Variants in TTC33 observed in about 807,000 individuals in gnomAD.
The protein encoded by TTC33 is tetratricopeptide repeat domain 33.
TTC33 carries 24 observed loss-of-function variants against 29.4 expected under a neutral mutation model. The ratio of observed to expected loss-of-function variants is 0.82; its 90% CI spans 0.59 to 1.15. The LOEUF (loss-of-function observed/expected upper bound fraction) is 1.15. Among genes scored for constraint, TTC33 ranks in the 50% most tolerant of loss-of-function variants. The pLI, the probability that TTC33 is intolerant of heterozygous loss-of-function variation, is 0.00. For missense variants in TTC33, 286 were observed against 310.4 expected (o/e 0.92, Z 0.59); for synonymous variants, 107 against 100.3 (o/e 1.07, Z -0.40).
intron 2 of TTC33, among the ~76,000 whole-genome samples, chr5:40,733,681 G>A (rs1742485667): frequency 6.6e-6 from 1 of 152,176 alleles, no homozygotes; most frequent in Non-Finnish European, 1.5e-5. Flanking sequence ...AAGGCAAAGA[G>A]CAAGCCTGCA....
intron 3 of TTC33, among the ~76,000 whole-genome samples, 194 bp from the exon 4 acceptor site, chr5:40,728,670 T>C (rs1240554523): frequency 6.6e-6 from 1 of 152,242 alleles, no homozygotes; most frequent in East Asian, 1.9e-4. Flanking sequence ...ACTATGAAAA[T>C]GTAAACGATT....
chr5:40,734,495 TC>T (rs1431222236), intron 2 of TTC33, among the ~76,000 whole-genome samples: 4 of 152,170 alleles, frequency 2.6e-5, no homozygotes, highest in Admixed American at 6.5e-5. Context: ...AGGGAATAGT[TC>T]CATGGACTAC....
At chr5:40,739,309 T>C (rs1742642468) in intron 2 of TTC33, among the ~76,000 whole-genome samples, 2 of 152,340 alleles carry the variant, frequency 1.3e-5, no homozygotes, top group South Asian at 2.1e-4. Context: ...GGGATTTCGA[T>C]TGGAATTGCA....
chr5:40,734,474 G>A (rs1395087561), intron 2 of TTC33, among the ~76,000 whole-genome samples: 2 of 152,160 alleles, frequency 1.3e-5, no homozygotes, highest in African/African-American at 4.8e-5. Flanking sequence ...GTAGCACAAG[G>A]AAGGAAGCAA....
intron 2 of TTC33, among the ~76,000 whole-genome samples, chr5:40,738,908 C>T (rs1175064717): frequency 6.6e-6 from 1 of 152,112 alleles, no homozygotes; most frequent in Non-Finnish European, 1.5e-5. Flanking sequence ...TGTCTTCTTC[C>T]TACTGAGTTG....
intron 4 of TTC33, among the ~76,000 whole-genome samples, chr5:40,723,632 T>C (rs1283576533): frequency 6.6e-6 from 1 of 151,738 alleles, no homozygotes; most frequent in Admixed American, 6.6e-5. Flanking sequence ...TGGGAGGCCA[T>C]GGTGGGCGGA....
intron 3 of TTC33, 23 bp downstream of exon 3, chr5:40,730,239 G>A: frequency 6.4e-7 from 1 of 1,562,312 alleles, no homozygotes. Flanking sequence ...CATAAGGAAA[G>A]TGAAATTCTT....
At chr5:40,738,489 C>A (rs1027890029) in intron 2 of TTC33, among the ~76,000 whole-genome samples, 225 of 101,582 alleles carry the variant, frequency 2.2e-3, no homozygotes, top group Middle Eastern at 5.0e-3. Flanking sequence ...CAATACAATA[C>A]AATACAATAC....
intron 3 of TTC33, among the ~76,000 whole-genome samples, chr5:40,728,812 G>A (rs1742356376): frequency 6.6e-6 from 1 of 152,048 alleles, no homozygotes; most frequent in African/African-American, 2.4e-5. Flanking sequence ...TGGTTTTCAG[G>A]GAACCCCAGG....
chr5:40,748,872 C>T (rs879573388), intron 1 of TTC33, among the ~76,000 whole-genome samples: 24 of 152,232 alleles, frequency 1.6e-4, no homozygotes, highest in Middle Eastern at 3.4e-3. Flanking sequence ...CGGTGGCTCA[C>T]GTCTGTAATC....
chr5:40,746,719 A>G, intron 2 of TTC33, 79 bp downstream of exon 2: 1 of 1,045,364 alleles, frequency 9.6e-7, no homozygotes, highest in Non-Finnish European at 1.4e-6. Context: ...TATCAAATTC[A>G]TAACTCTTCA....
chr5:40,731,140 A>AT, intron 2 of TTC33, among the ~76,000 whole-genome samples: 1 of 152,318 alleles, frequency 6.6e-6, no homozygotes, highest in African/African-American at 2.4e-5. Context: ...GTATTCCTTC[A>AT]TAACAATCCT....
chr5:40,739,219 C>A (rs1297212340), intron 2 of TTC33, among the ~76,000 whole-genome samples: 2 of 152,120 alleles, frequency 1.3e-5, no homozygotes, highest in Admixed American at 1.3e-4. Flanking sequence ...TCATAAAATT[C>A]TTTTGGCTAG....
In TTC33 at chr5:40,713,872, T is replaced by A. The variant is rs950694158; in HGVS notation, c.*2273A>T. 5.3e-5 allele frequency among the ~76,000 whole-genome samples: 8 copies of A among 152,204 alleles called. No homozygotes were observed. In the South Asian group the frequency reaches 6.2e-4, roughly 12 times the overall value. On this transcript the variant is annotated 3_prime_UTR_variant, in exon 5 of 5. Transcript: ENST00000337702. ...CTATGTTTGTATATCAGTATTCACA[T>A]CCTTGTAAAATAATGGGTGCATTTT...
chr5:40,729,182 A>G (rs952012208), intron 3 of TTC33, among the ~76,000 whole-genome samples: 2 of 152,230 alleles, frequency 1.3e-5, no homozygotes, highest in Non-Finnish European at 2.9e-5. Context: ...ATACATATTT[A>G]AGATTGAAAA....
At chr5:40,720,407 A>G (rs1412332470) in intron 4 of TTC33, among the ~76,000 whole-genome samples, 6 of 152,190 alleles carry the variant, frequency 3.9e-5, no homozygotes, top group African/African-American at 1.4e-4. Flanking sequence ...CTATATGTCT[A>G]CATTATGCCT....
intron 2 of TTC33, among the ~76,000 whole-genome samples, chr5:40,732,108 C>T (rs939782966): frequency 2.0e-5 from 3 of 152,194 alleles, no homozygotes; most frequent in African/African-American, 7.2e-5. Flanking sequence ...AACTCTTGGG[C>T]TCAAGGGCCT....
intron 2 of TTC33, among the ~76,000 whole-genome samples, chr5:40,743,420 T>C (rs1482392560): frequency 6.6e-6 from 1 of 152,190 alleles, no homozygotes; most frequent in Non-Finnish European, 1.5e-5. Context: ...TCAGTATTTT[T>C]TTTAATCTAA....
chr5:40,720,899 C>T (rs571044557), intron 4 of TTC33, among the ~76,000 whole-genome samples: 4 of 152,122 alleles, frequency 2.6e-5, no homozygotes, highest in Admixed American at 6.5e-5. Context: ...CCAACTTCTA[C>T]GGTGGCTACA....
Sources: allele counts gnomAD v4.1 joint callset (sites outside exome capture counted in the v4.1 genomes callset), GRCh38; gene constraint gnomAD v4.1.1; transcripts MANE v1.5; gene names NCBI Gene and HGNC (gene_info 2026-07-23, HGNC 2026-07-21).